LINGO2: variants seen among roughly 807,000 people sequenced by gnomAD.
LINGO2 encodes leucine rich repeat and Ig domain containing 2.
In LINGO2, 14 loss-of-function variants were observed where a neutral mutation model predicts 30.6. The ratio of observed to expected loss-of-function variants is 0.46; its 90% CI spans 0.30 to 0.72. LINGO2 has a LOEUF of 0.72. LINGO2 is among the 30% of genes least tolerant of loss of function. The pLI, the probability that LINGO2 is intolerant of heterozygous loss-of-function variation, is 0.07. For missense variants in LINGO2, 729 were observed against 751.7 expected, an observed-to-expected ratio of 0.97 and a Z score of 0.35; for synonymous variants, 317 against 288.5, an observed-to-expected ratio of 1.10 and a Z score of -1.00.
At chr9:28,265,242 A>G (rs558804163) in intron 4 of LINGO2, among the ~76,000 whole-genome samples, 1 of 152,050 alleles carries the variant, frequency 6.6e-6, no homozygotes, top group South Asian at 2.1e-4. Flanking sequence ...CCTGATGGAT[A>G]CATCACCTCT....
intron 2 of LINGO2, among the ~76,000 whole-genome samples, chr9:28,427,167 T>C (rs1823448085): frequency 6.6e-6 from 1 of 152,068 alleles, no homozygotes; most frequent in African/African-American, 2.4e-5. Flanking sequence ...AACATTAGGT[T>C]AGATGCTGCA....
At chr9:27,945,614 G>A (rs1430721945), downstream of LINGO2, among the ~76,000 whole-genome samples, 1 of 152,114 alleles carries the variant, frequency 6.6e-6, no homozygotes, top group Non-Finnish European at 1.5e-5. Context: ...ACTCAGAGAT[G>A]TCATATTTAA....
the LINGO2 span, among the ~76,000 whole-genome samples, chr9:28,787,197 C>A: frequency 1.3e-5 from 2 of 152,100 alleles, no homozygotes; most frequent in Non-Finnish European, 2.9e-5. Context: ...GGGAATAAAT[C>A]CATCCAGTAC....
chr9:28,691,262 C>T, the LINGO2 span, among the ~76,000 whole-genome samples: 2 of 152,090 alleles, frequency 1.3e-5, no homozygotes, highest in African/African-American at 2.4e-5. Flanking sequence ...GTCAATTTAT[C>T]CTCAAATTCT....
At chr9:28,357,873 T>C (rs952980349) in intron 3 of LINGO2, among the ~76,000 whole-genome samples, 1 of 152,172 alleles carries the variant, frequency 6.6e-6, no homozygotes, top group African/African-American at 2.4e-5. Context: ...AGGGAATCAA[T>C]ACATATTAGC....
In LINGO2 at chr9:28,230,712, T is replaced by A. The variant is rs370272316; in HGVS notation, c.-87+64496A>T. 8.2e-4 allele frequency among the ~76,000 whole-genome samples: 124 copies of A among 152,070 alleles called. 1 individual carries two copies. In the South Asian group the frequency reaches 0.022, roughly 27 times the overall value. Reference sequence around the variant, plus strand: ...TCTGCAAATTAATTTGTAAATAATTTACATTTAGAGAATTTCATCTTCCCA... The same window carrying A: ...TCTGCAAATTAATTTGTAAATAATTAACATTTAGAGAATTTCATCTTCCCA... On this transcript the variant is annotated intron_variant, in intron 4 of 5. Coordinates refer to ENST00000379992, the Ensembl canonical transcript of LINGO2.
In LINGO2 at chr9:28,512,106, T is replaced by C. The variant is rs112388681; in HGVS notation, c.-364-36081A>G. ...GTAACTTACTTGTGCCTTCAGGACCTGCTTGAGCCCGATCACATATGTAGC... is the reference window on the plus strand; with the variant it reads ...GTAACTTACTTGTGCCTTCAGGACCCGCTTGAGCCCGATCACATATGTAGC... On this transcript the variant is annotated intron_variant, in intron 1 of 5. Coordinates refer to ENST00000379992, the Ensembl canonical transcript of LINGO2. Among the ~76,000 whole-genome samples the C allele has an allele frequency of 2.7e-3, 404 of 152,248 alleles. 3 individuals are homozygous for C. The highest frequency in any genetic ancestry group is 8.8e-3 in the African/African-American group (367 of 41,556).
chr9:28,708,159 A>G, the LINGO2 span, among the ~76,000 whole-genome samples: 1 of 152,210 alleles, frequency 6.6e-6, no homozygotes, highest in South Asian at 2.1e-4. Flanking sequence ...ACCAAATTCC[A>G]TAACAAGTAT....
chr9:28,196,635 T>C (rs1820023375), intron 4 of LINGO2, among the ~76,000 whole-genome samples: 1 of 151,988 alleles, frequency 6.6e-6, no homozygotes, highest in South Asian at 2.1e-4. Context: ...ATTTTTTAGA[T>C]AGGAAGATTC....
intron 2 of LINGO2, among the ~76,000 whole-genome samples, chr9:28,432,486 G>A (rs1229026380): frequency 6.6e-6 from 1 of 151,836 alleles, no homozygotes; most frequent in East Asian, 1.9e-4. Flanking sequence ...AAAATCAAAA[G>A]GCAAAACTTT....
chr9:28,907,834 A>G, the LINGO2 span, among the ~76,000 whole-genome samples: 2 of 151,716 alleles, frequency 1.3e-5, no homozygotes, highest in Non-Finnish European at 3.0e-5. Flanking sequence ...TACTTCTTGA[A>G]GAAATTGCAT....
chr9:28,193,373 A>G (rs1819890256), intron 4 of LINGO2, among the ~76,000 whole-genome samples: 1 of 152,136 alleles, frequency 6.6e-6, no homozygotes, highest in Non-Finnish European at 1.5e-5. Flanking sequence ...AAGTGAAATT[A>G]ATTTTTATTT....
At chr9:28,954,533 A>G in the LINGO2 span, among the ~76,000 whole-genome samples, 1 of 152,136 alleles carries the variant, frequency 6.6e-6, no homozygotes, top group Non-Finnish European at 1.5e-5. Context: ...GACTGCTAGT[A>G]ACAGTCTGGT....
chr9:29,125,628 A>C, the LINGO2 span, among the ~76,000 whole-genome samples: 1 of 152,160 alleles, frequency 6.6e-6, no homozygotes, highest in Admixed American at 6.6e-5. Flanking sequence ...CAGTGAGAAC[A>C]ACCAATAAAT....
intron 3 of LINGO2, among the ~76,000 whole-genome samples, chr9:28,312,714 A>T (rs895799865): frequency 6.6e-6 from 1 of 152,146 alleles, no homozygotes; most frequent in Admixed American, 6.5e-5. Context: ...GAAAATTTTA[A>T]TAGTTTTATT....
chr9:28,811,826 C>CCATT, the LINGO2 span, among the ~76,000 whole-genome samples: 110 of 151,998 alleles, frequency 7.2e-4, no homozygotes, highest in East Asian at 2.7e-3. Context: ...TATTCATTTG[C>CCATT]CATTCATTCA....
the LINGO2 span, among the ~76,000 whole-genome samples, chr9:28,700,272 C>T: frequency 2.0e-5 from 3 of 151,932 alleles, no homozygotes; most frequent in Non-Finnish European, 4.4e-5. Flanking sequence ...GGGGCAGGTT[C>T]CCCCGATACC....
chr9:29,039,863 G>T, the LINGO2 span, among the ~76,000 whole-genome samples: 1 of 152,028 alleles, frequency 6.6e-6, no homozygotes, highest in Non-Finnish European at 1.5e-5. Flanking sequence ...GACAGGCACT[G>T]GTGAAAATGC....
the LINGO2 span, among the ~76,000 whole-genome samples, chr9:28,826,027 C>G: frequency 6.6e-6 from 1 of 152,116 alleles, no homozygotes; most frequent in African/African-American, 2.4e-5. Context: ...AGCTACAGGG[C>G]TGAATGATAA....
Sources: gnomAD v4.1 joint callset for allele counts (sites outside exome capture counted in the v4.1 genomes callset) on GRCh38, gnomAD v4.1.1 for gene constraint, MANE v1.5 for transcripts, NCBI Gene and HGNC (gene_info 2026-07-23, HGNC 2026-07-21) for gene names.